Variants in VPS50 observed in about 807,000 individuals in gnomAD.
VPS50 encodes VPS50 subunit of EARP/GARPII complex.
VPS50 carries 70 observed loss-of-function variants against 139.7 expected under a neutral mutation model. The observed-to-expected ratio is 0.50, with a 90% confidence interval of 0.41 to 0.61. The LOEUF (loss-of-function observed/expected upper bound fraction) is 0.61, where lower values mean the gene tolerates loss of function less well. Among genes scored for constraint, VPS50 ranks in the 20% least tolerant of loss-of-function variants. The probability of loss-of-function intolerance (pLI) is 0.00; values close to 1 mark genes in which losing one functional copy is unlikely to be tolerated. For missense variants in VPS50, 921 were observed against 1,133.7 expected (o/e 0.81, Z 2.69); for synonymous variants, 365 against 376.7 (o/e 0.97, Z 0.36).
chr7:93,335,902 G>T (rs571244047), intron 22 of VPS50, among the ~76,000 whole-genome samples: 1 of 152,280 alleles, frequency 6.6e-6, no homozygotes, highest in East Asian at 1.9e-4. Context: ...TTCTGCCTCA[G>T]ATTTTACCAC....
At chr7:93,278,547 A>G (rs988769040) in intron 12 of VPS50, among the ~76,000 whole-genome samples, 2 of 149,232 alleles carry the variant, frequency 1.3e-5, no homozygotes, top group Non-Finnish European at 3.0e-5. Context: ...CAGTGAGCTG[A>G]GATCACACCA....
At chr7:93,301,018 C>T (rs958948123) in intron 16 of VPS50, among the ~76,000 whole-genome samples, 1 of 151,968 alleles carries the variant, frequency 6.6e-6, no homozygotes, top group East Asian at 1.9e-4. Flanking sequence ...CATTAGGGGC[C>T]GGGCACAATG....
At chr7:93,342,410 C>T (rs991949148) in intron 23 of VPS50, among the ~76,000 whole-genome samples, 10 of 152,334 alleles carry the variant, frequency 6.6e-5, no homozygotes, top group Admixed American at 2.6e-4. Context: ...GAGGGGCACC[C>T]GCCATTGCCC....
chr7:93,356,486 G>A (rs941880105), intron 27 of VPS50, among the ~76,000 whole-genome samples: 5 of 152,096 alleles, frequency 3.3e-5, no homozygotes, highest in East Asian at 3.9e-4. Context: ...AAACCTTCTC[G>A]TACTCCTCAA....
chr7:93,334,063 T>A, intron 21 of VPS50, 54 bp from the exon 22 acceptor site: 2 of 971,346 alleles, frequency 2.1e-6, no homozygotes, highest in Non-Finnish European at 3.3e-6. Context: ...TTTGAAGATG[T>A]AACATTTGCA....
chr7:93,258,435 T>C (rs1795558952), intron 8 of VPS50, 43 bp downstream of exon 8: 2 of 1,456,956 alleles, frequency 1.4e-6, no homozygotes, highest in South Asian at 1.2e-5. Flanking sequence ...TACTGATATA[T>C]AGAAACAGTA....
At chr7:93,246,518 A>G (rs1276439307) in intron 2 of VPS50, among the ~76,000 whole-genome samples, 1 of 151,900 alleles carries the variant, frequency 6.6e-6, no homozygotes, top group Admixed American at 6.6e-5. Flanking sequence ...TTGAATAAAA[A>G]CTAGTACTGA....
intron 23 of VPS50, 49 bp from the exon 24 acceptor site, chr7:93,348,662 C>G (rs1798471507): frequency 3.3e-6 from 4 of 1,209,374 alleles, no homozygotes; most frequent in South Asian, 2.5e-5. Context: ...ATGACAGGCT[C>G]TAAATCCTAC....
At chr7:93,343,817 C>G (rs900755597) in intron 23 of VPS50, among the ~76,000 whole-genome samples, 6 of 152,150 alleles carry the variant, frequency 3.9e-5, no homozygotes, top group African/African-American at 1.4e-4. Context: ...CCTAAAAGAG[C>G]TCCTGAAGGA....
At chr7:93,297,294 T>C in intron 16 of VPS50, 51 bp downstream of exon 16, 2 of 1,431,566 alleles carry the variant, frequency 1.4e-6, no homozygotes, top group Non-Finnish European at 1.8e-6. Flanking sequence ...ATGAGAATAC[T>C]TTTGTCTAAT....
intron 12 of VPS50, among the ~76,000 whole-genome samples, chr7:93,290,405 G>A (rs1177580585): frequency 6.8e-6 from 1 of 147,642 alleles, no homozygotes; most frequent in Non-Finnish European, 1.5e-5. Context: ...CAGTAGTGGA[G>A]ATAATGGGCA....
intron 12 of VPS50, among the ~76,000 whole-genome samples, chr7:93,285,192 G>A (rs1303831953): frequency 1.3e-5 from 2 of 152,180 alleles, no homozygotes; most frequent in Non-Finnish European, 2.9e-5. Context: ...ATCACTGTGT[G>A]TGTGTTTTGG....
At chr7:93,234,639 A>C (rs1255464245) in intron 1 of VPS50, among the ~76,000 whole-genome samples, 2 of 152,242 alleles carry the variant, frequency 1.3e-5, no homozygotes, top group Admixed American at 1.3e-4. Context: ...TAAATTTAAT[A>C]GGATTACAAG....
intron 3 of VPS50, among the ~76,000 whole-genome samples, chr7:93,253,464 C>T (rs1387782752): frequency 2.0e-5 from 3 of 152,142 alleles, no homozygotes; most frequent in Non-Finnish European, 4.4e-5. Flanking sequence ...TGAGTTCTAT[C>T]ATAAACAAAT....
chr7:93,344,092 G>A (rs1213210212), intron 23 of VPS50, among the ~76,000 whole-genome samples: 4 of 152,036 alleles, frequency 2.6e-5, no homozygotes, highest in Admixed American at 6.6e-5. Flanking sequence ...CCCATCTCAC[G>A]GGCAGAGACA....
chr7:93,238,948 G>C (rs1342161395), intron 1 of VPS50, among the ~76,000 whole-genome samples: 2 of 152,086 alleles, frequency 1.3e-5, no homozygotes, highest in African/African-American at 4.8e-5. Flanking sequence ...AAAAATTTTA[G>C]ATATGACTAG....
intron 16 of VPS50, among the ~76,000 whole-genome samples, chr7:93,299,629 T>C (rs1292085357): frequency 6.6e-6 from 1 of 152,108 alleles, no homozygotes; most frequent in African/African-American, 2.4e-5. Flanking sequence ...AGCAGTTTTG[T>C]TTTGGTGGAA....
At chr7:93,333,146 A>G (rs558194410) in intron 21 of VPS50, among the ~76,000 whole-genome samples, 1 of 152,362 alleles carries the variant, frequency 6.6e-6, no homozygotes, top group East Asian at 1.9e-4. Context: ...AATGAAGTTT[A>G]TAAAACCTGG....
intron 24 of VPS50, 90 bp from the exon 25 acceptor site, chr7:93,349,785 T>G (rs1243123606): frequency 2.4e-6 from 2 of 841,180 alleles, no homozygotes; most frequent in African/African-American, 3.5e-5. Context: ...TTTTCAGATA[T>G]GATATATACT....
Sources: allele counts gnomAD v4.1 joint callset (sites outside exome capture counted in the v4.1 genomes callset), GRCh38; gene constraint gnomAD v4.1.1; transcripts MANE v1.5; gene names NCBI Gene and HGNC (gene_info 2026-07-23, HGNC 2026-07-21).